Variants in NDUFAF2 observed in about 807,000 individuals in gnomAD.
The protein encoded by NDUFAF2 is NADH:ubiquinone oxidoreductase complex assembly factor 2, also known as NADH dehydrogenase [ubiquinone] 1 alpha subcomplex assembly factor 2.
In NDUFAF2, 13 loss-of-function variants were observed where a neutral mutation model predicts 22.8. The observed-to-expected ratio is 0.57, with a 90% CI of 0.37 to 0.91. NDUFAF2 has a LOEUF of 0.91. Among genes scored for constraint, NDUFAF2 ranks in the 40% least tolerant of loss-of-function variants. The probability of loss-of-function intolerance (pLI) is 0.01; values close to 1 mark genes in which losing one functional copy is unlikely to be tolerated. For missense variants in NDUFAF2, 162 were observed against 195.2 expected, an observed-to-expected ratio of 0.83 and a Z score of 1.01; for synonymous variants, 53 against 64.2, an observed-to-expected ratio of 0.83 and a Z score of 0.84.
intron 1 of NDUFAF2, 24 bp from the exon 2 acceptor site, chr5:61,073,101 G>C (rs746975445): frequency 7.0e-7 from 1 of 1,434,356 alleles, no homozygotes; most frequent in East Asian, 2.3e-5. Flanking sequence ...ATTTAAAAAT[G>C]TATTAATGAC....
chr5:60,985,110 C>T (rs1211523201), intron 1 of NDUFAF2, among the ~76,000 whole-genome samples: 2 of 152,064 alleles, frequency 1.3e-5, no homozygotes, highest in South Asian at 2.1e-4. Flanking sequence ...GCTTCTTCAT[C>T]GTTTAGTCTT....
intron 1 of NDUFAF2, among the ~76,000 whole-genome samples, chr5:61,056,917 AAAATATATATATAT>A (rs1752104672): frequency 6.0e-5 from 1 of 16,752 alleles, no homozygotes; most frequent in Non-Finnish European, 9.6e-5. Flanking sequence ...AAAAAAAAAA[AAAATATATATATAT>A]ATATATATAT....
chr5:60,963,518 C>T (rs988580985), intron 1 of NDUFAF2, among the ~76,000 whole-genome samples: 29 of 152,270 alleles, frequency 1.9e-4, no homozygotes, highest in South Asian at 2.1e-4. Context: ...GCTTGTATAG[C>T]TAGGTCCCTG....
At chr5:61,148,038 C>T (rs916413102) in intron 3 of NDUFAF2, among the ~76,000 whole-genome samples, 31 of 152,204 alleles carry the variant, frequency 2.0e-4, no homozygotes, top group Non-Finnish European at 8.8e-5. Context: ...GCTTAATATT[C>T]AGCTGAACAC....
intron 3 of NDUFAF2, among the ~76,000 whole-genome samples, chr5:61,125,843 C>T (rs1561572624): frequency 6.6e-6 from 1 of 152,060 alleles, no homozygotes; most frequent in African/African-American, 2.4e-5. Flanking sequence ...TCTTGGATAA[C>T]TTTAAAGCCT....
intron 3 of NDUFAF2, among the ~76,000 whole-genome samples, chr5:61,134,519 A>G (rs1740879393): frequency 6.6e-6 from 1 of 151,866 alleles, no homozygotes; most frequent in South Asian, 2.1e-4. Flanking sequence ...CCCCATCTCT[A>G]CTAAAAATAC....
In NDUFAF2 at chr5:60,981,704, T is replaced by A. The variant is rs187720367; in HGVS notation, c.127+36322T>A. On this transcript the variant is annotated intron_variant, in intron 1 of 3. Coordinates refer to ENST00000296597, the MANE Select transcript of NDUFAF2 (RefSeq NM_174889.5). ...AAGTGGGGAGACAGTGTAAAGTTTT[T>A]ATTAGCAGAGCTATATTAACCAAAA... Among the ~76,000 whole-genome samples, 382 of 152,268 alleles carry A rather than the reference T, an allele frequency of 2.5e-3. 3 individuals carry two copies. The highest frequency in any genetic ancestry group is 9.7e-4 in the Non-Finnish European group (66 of 67,992).
At chr5:61,136,740 G>A (rs554793650) in intron 3 of NDUFAF2, among the ~76,000 whole-genome samples, 2 of 152,270 alleles carry the variant, frequency 1.3e-5, no homozygotes, top group African/African-American at 4.8e-5. Flanking sequence ...AAATGCTGTG[G>A]GCAAACGAGC....
chr5:60,991,633 A>G (rs1751159456), intron 1 of NDUFAF2, among the ~76,000 whole-genome samples: 1 of 152,338 alleles, frequency 6.6e-6, no homozygotes, highest in South Asian at 2.1e-4. Context: ...AAATGACAGT[A>G]TCACCTTTTT....
At chr5:61,007,313 C>G (rs1580091530) in intron 1 of NDUFAF2, among the ~76,000 whole-genome samples, 1 of 151,926 alleles carries the variant, frequency 6.6e-6, no homozygotes, top group African/African-American at 2.4e-5. Context: ...AGGAAGGGAT[C>G]CAGTTTCAGC....
chr5:61,076,218 C>T (rs1404671406), intron 2 of NDUFAF2, among the ~76,000 whole-genome samples: 1 of 151,990 alleles, frequency 6.6e-6, no homozygotes, highest in Non-Finnish European at 1.5e-5. Flanking sequence ...CTACAGGTGC[C>T]CGCCACCACG....
At chr5:61,087,482 T>C (rs1248801341) in intron 2 of NDUFAF2, among the ~76,000 whole-genome samples, 2 of 152,168 alleles carry the variant, frequency 1.3e-5, no homozygotes, top group Non-Finnish European at 2.9e-5. Flanking sequence ...ATTTTAGAAA[T>C]TGATAATACC....
rs185308347 is a variant in NDUFAF2 at position 61,007,881 on chromosome 5, A to T, written c.127+62499A>T. Among the ~76,000 whole-genome samples, 26 of 152,288 alleles carry T rather than the reference A, an allele frequency of 1.7e-4. 1 individual carries two copies. The highest frequency in any genetic ancestry group is 1.4e-3 in the Admixed American group (21 of 15,280). On this transcript the variant is annotated intron_variant, in intron 1 of 3. Coordinates refer to ENST00000296597, the MANE Select transcript of NDUFAF2 (RefSeq NM_174889.5). ...TGTTTATTGCGGCACTATTCACAATAGCAAAGAGTTGGAACGAAGCCAAAG... is the reference window on the plus strand; with the variant it reads ...TGTTTATTGCGGCACTATTCACAATTGCAAAGAGTTGGAACGAAGCCAAAG...
intron 1 of NDUFAF2, among the ~76,000 whole-genome samples, chr5:60,978,017 G>A (rs1387397205): frequency 1.3e-5 from 2 of 152,078 alleles, no homozygotes; most frequent in Non-Finnish European, 2.9e-5. Flanking sequence ...AAGAGAGTAG[G>A]AAAGACTCGT....
chr5:60,985,701 G>A (rs1580080565), intron 1 of NDUFAF2, among the ~76,000 whole-genome samples: 1 of 152,084 alleles, frequency 6.6e-6, no homozygotes, highest in Admixed American at 6.6e-5. Context: ...GTAGTTGAGT[G>A]GTTTTGAATG....
At chr5:60,971,181 A>G (rs1055279199) in intron 1 of NDUFAF2, among the ~76,000 whole-genome samples, 6 of 151,406 alleles carry the variant, frequency 4.0e-5, no homozygotes, top group Admixed American at 2.6e-4. Flanking sequence ...TCTAGGGTAC[A>G]TGTGCACAAT....
intron 1 of NDUFAF2, among the ~76,000 whole-genome samples, chr5:61,048,560 T>C (rs1017419156): frequency 6.6e-6 from 1 of 152,154 alleles, no homozygotes; most frequent in Non-Finnish European, 1.5e-5. Flanking sequence ...TGGAAGTGTG[T>C]AATGATTTGC....
intron 1 of NDUFAF2, among the ~76,000 whole-genome samples, chr5:60,971,274 TTTTC>T (rs1309482995): frequency 1.4e-5 from 2 of 142,708 alleles, no homozygotes; most frequent in Non-Finnish European, 3.0e-5. Flanking sequence ...GATATATCTT[TTTTC>T]TTTCTTTCTT....
chr5:61,000,606 AC>A (rs1213309394), intron 1 of NDUFAF2, among the ~76,000 whole-genome samples: 1 of 152,098 alleles, frequency 6.6e-6, no homozygotes, highest in African/African-American at 2.4e-5. Flanking sequence ...GTGAAAACAC[AC>A]TGCATTCTTC....
Sources: gnomAD v4.1 joint callset for allele counts (sites outside exome capture counted in the v4.1 genomes callset) on GRCh38, gnomAD v4.1.1 for gene constraint, MANE v1.5 for transcripts, NCBI Gene and HGNC (gene_info 2026-07-23, HGNC 2026-07-21) for gene names.